Variants in NRXN3 observed in about 807,000 individuals in gnomAD.
NRXN3 encodes neurexin III.
In NRXN3, 32 loss-of-function variants were observed where a neutral mutation model predicts 137.6. That is an observed-to-expected ratio of 0.23 (90% CI 0.18 to 0.31). NRXN3 has a LOEUF of 0.31. Ranked by LOEUF, NRXN3 falls within the 10% of genes least tolerant of loss-of-function variation. The pLI, the probability that NRXN3 is intolerant of heterozygous loss-of-function variation, is 1.00. For synonymous variants in NRXN3, 798 were observed against 784.5 expected (o/e 1.02, Z -0.29); for missense variants, 1,574 against 2,062.5 (o/e 0.76, Z 4.59).
At chr14:78,902,526 G>C (rs2099199993) in intron 10 of NRXN3, among the ~76,000 whole-genome samples, 1 of 151,960 alleles carries the variant, frequency 6.6e-6, no homozygotes, top group East Asian at 1.9e-4. Context: ...AGCAGAGGAG[G>C]AATAAAAGGA....
intron 6 of NRXN3, among the ~76,000 whole-genome samples, chr14:78,680,961 A>G (rs1006518865): frequency 6.6e-6 from 1 of 152,216 alleles, no homozygotes; most frequent in Admixed American, 6.5e-5. Flanking sequence ...ATCCAGGGAT[A>G]AAAGTATTAT....
At chr14:79,686,591 C>G (rs965692318) in intron 17 of NRXN3, among the ~76,000 whole-genome samples, 2 of 152,024 alleles carry the variant, frequency 1.3e-5, no homozygotes, top group Non-Finnish European at 2.9e-5. Flanking sequence ...TAGATATTAC[C>G]TTTTTTAAAA....
chr14:79,065,108 T>C (rs1292785296), intron 15 of NRXN3, among the ~76,000 whole-genome samples: 1 of 151,996 alleles, frequency 6.6e-6, no homozygotes, highest in Admixed American at 6.6e-5. Flanking sequence ...AGAAAAATAC[T>C]AGCATATGTT....
chr14:79,611,357 T>A (rs1052001647), intron 16 of NRXN3: 2 of 152,286 alleles, frequency 1.3e-5, no homozygotes, highest in Non-Finnish European at 2.9e-5. Flanking sequence ...CCCAGCACTT[T>A]GGGAGGCCAA....
intron 17 of NRXN3, among the ~76,000 whole-genome samples, chr14:79,666,802 A>AGTT (rs2098559135): frequency 6.6e-6 from 1 of 152,092 alleles, no homozygotes; most frequent in African/African-American, 2.4e-5. Context: ...CTCATTTAAA[A>AGTT]GTTTTATTGG....
rs1191496593 is a variant in NRXN3, at chr14:78,265,961, GC to G, written c.710-12682del. Among the ~76,000 whole-genome samples, 7 of 152,166 alleles carry G rather than the reference GC, an allele frequency of 4.6e-5. No homozygotes were observed. The East Asian group carries it at 1.4e-3, about 29-fold the overall frequency. On this transcript the variant is annotated intron_variant, in intron 2 of 20. Coordinates refer to ENST00000335750, the MANE Select transcript of NRXN3 (RefSeq NM_001330195.2). ...CTTGTTCATCTGCCATCACCCCAGTGCCTAGCACCATCCCTGGGACATAGAT... is the reference window on the plus strand; with the variant it reads ...CTTGTTCATCTGCCATCACCCCAGTGCTAGCACCATCCCTGGGACATAGAT...
At chr14:79,537,534 T>C (rs1356289699) in intron 16 of NRXN3, among the ~76,000 whole-genome samples, 1 of 152,084 alleles carries the variant, frequency 6.6e-6, no homozygotes, top group Admixed American at 6.6e-5. Context: ...AGTGACAACA[T>C]GCAGTGTTTG....
At chr14:79,364,487 TTATAA>T (rs2093802837) in intron 15 of NRXN3, among the ~76,000 whole-genome samples, 6 of 152,202 alleles carry the variant, frequency 3.9e-5, no homozygotes, top group Admixed American at 2.0e-4. Context: ...GTTTTGCTAT[TTATAA>T]GAGAGGAGTC....
At chr14:78,632,374 A>G (rs2097530145) in intron 4 of NRXN3, among the ~76,000 whole-genome samples, 1 of 152,170 alleles carries the variant, frequency 6.6e-6, no homozygotes, top group South Asian at 2.1e-4. Context: ...TGTATGTGAA[A>G]GTGGTTTGGA....
At chr14:79,608,272 T>G (rs2098049270) in intron 16 of NRXN3, among the ~76,000 whole-genome samples, 1 of 152,200 alleles carries the variant, frequency 6.6e-6, no homozygotes, top group African/African-American at 2.4e-5. Context: ...CAGAATTTGG[T>G]GGCCTTAGGG....
At chr14:79,389,504 C>A (rs1454048866) in intron 15 of NRXN3, among the ~76,000 whole-genome samples, 1 of 152,190 alleles carries the variant, frequency 6.6e-6, no homozygotes, top group Non-Finnish European at 1.5e-5. Context: ...CCAATACATA[C>A]CTTTATGGAA....
intron 16 of NRXN3, among the ~76,000 whole-genome samples, chr14:79,652,735 G>A (rs2098483048): frequency 6.6e-6 from 1 of 151,948 alleles, no homozygotes; most frequent in African/African-American, 2.4e-5. Flanking sequence ...TCAGGACTGA[G>A]GGAAAGCACT....
chr14:79,632,832 C>T (rs2098369152), intron 16 of NRXN3, among the ~76,000 whole-genome samples: 1 of 152,096 alleles, frequency 6.6e-6, no homozygotes, highest in African/African-American at 2.4e-5. Context: ...GTTGCACGAC[C>T]TGGATCAATT....
intron 20 of NRXN3, among the ~76,000 whole-genome samples, chr14:79,806,059 T>C (rs1448050774): frequency 6.6e-6 from 1 of 152,222 alleles, no homozygotes; most frequent in East Asian, 1.9e-4. Flanking sequence ...CGTTTATATG[T>C]ATATAATAGA....
intron 19 of NRXN3, among the ~76,000 whole-genome samples, chr14:79,764,255 C>A (rs1182200777): frequency 6.6e-6 from 1 of 151,926 alleles, no homozygotes; most frequent in East Asian, 1.9e-4. Flanking sequence ...TTCTTTAGTA[C>A]CAATTGCAGC....
chr14:78,543,287 T>TATGTTTA (rs2096608703), intron 4 of NRXN3, among the ~76,000 whole-genome samples: 1 of 152,150 alleles, frequency 6.6e-6, no homozygotes, highest in South Asian at 2.1e-4. Flanking sequence ...TCCATAAACC[T>TATGTTTA]CCTGATATTT....
intron 4 of NRXN3, among the ~76,000 whole-genome samples, chr14:78,617,925 C>T (rs2097362780): frequency 6.9e-6 from 1 of 144,254 alleles, no homozygotes; most frequent in Non-Finnish European, 1.5e-5. Flanking sequence ...ATGGCAAAAA[C>T]CGCAATTACT....
intron 15 of NRXN3, among the ~76,000 whole-genome samples, chr14:79,181,806 A>G (rs573477199): frequency 4.6e-5 from 7 of 152,048 alleles, no homozygotes; most frequent in Non-Finnish European, 1.0e-4. Context: ...GATTCCAGCC[A>G]CATGCCATCA....
chr14:79,598,263 T>C (rs895807411), intron 16 of NRXN3, among the ~76,000 whole-genome samples: 1 of 152,316 alleles, frequency 6.6e-6, no homozygotes, highest in Admixed American at 6.5e-5. Flanking sequence ...GGGGCCGAGA[T>C]GTGATCATTA....
Sources: allele counts gnomAD v4.1 joint callset (sites outside exome capture counted in the v4.1 genomes callset), GRCh38; gene constraint gnomAD v4.1.1; transcripts MANE v1.5; gene names NCBI Gene and HGNC (gene_info 2026-07-23, HGNC 2026-07-21).